Variants in GUCY2C observed in about 807,000 individuals in gnomAD.
GUCY2C encodes guanylyl cyclase C.
Under a neutral mutation model 131.1 loss-of-function variants are expected in GUCY2C, and 118 were observed. The ratio of observed to expected loss-of-function variants is 0.90; its 90% CI spans 0.78 to 1.05. GUCY2C has a LOEUF of 1.05. Among genes scored for constraint, GUCY2C ranks in the 50% least tolerant of loss-of-function variants. The pLI, the probability that GUCY2C is intolerant of heterozygous loss-of-function variation, is 0.00. For missense variants in GUCY2C, 1,161 were observed against 1,304.4 expected (o/e 0.89, Z 1.69); for synonymous variants, 452 against 457.8 (o/e 0.99, Z 0.16).
intron 17 of GUCY2C, among the ~76,000 whole-genome samples, chr12:14,642,851 G>A (rs1407749974): frequency 6.6e-6 from 1 of 152,104 alleles, no homozygotes; most frequent in Non-Finnish European, 1.5e-5. Flanking sequence ...GGACAGAATC[G>A]CAATTTTCCT....
chr12:14,614,121 T>A (rs1946707432), intron 26 of GUCY2C, among the ~76,000 whole-genome samples: 1 of 152,116 alleles, frequency 6.6e-6, no homozygotes. Flanking sequence ...GCTCCACTCT[T>A]GTCAGAACAA....
chr12:14,662,439 G>A lies in GUCY2C; in HGVS notation c.1283-1377C>T, dbSNP rs146768291. Among the ~76,000 whole-genome samples the A allele has an allele frequency of 1.6e-4, 24 of 152,030 alleles. No individual in the cohort carries two copies. In the East Asian group the frequency reaches 3.3e-3, roughly 21 times the overall value. On this transcript the variant is annotated intron_variant, in intron 10 of 26. Transcript: ENST00000261170. ...ACCTGTAATCCCAGCACTTTGGGGG[G>A]GCTGAGGGGCCGATCACCTGAGGTC...
In GUCY2C at chr12:14,622,044, C is replaced by T; in HGVS notation, c.2562G>A (p.Lys854=). ...EVVDMLNDIY[K]SFDHIVDHHD... Reference sequence around the variant, plus strand: ...GATGATCAACAATGTGGTCAAAACTCTTATAGATGTCATTAAGCATGTCCA... The same window carrying T: ...GATGATCAACAATGTGGTCAAAACTTTTATAGATGTCATTAAGCATGTCCA... The change falls in exon 22 of 27, where the codon AAG becomes AAA. Residue 854 remains lysine (K), a synonymous_variant. Transcript: ENST00000261170. 7 of 1,609,652 alleles carry T rather than the reference C, an allele frequency of 4.3e-6. No individual in the cohort carries two copies. The highest frequency in any genetic ancestry group is 5.1e-6 in the Non-Finnish European group (6 of 1,178,552).
rs1286699366 is a variant in GUCY2C, at chr12:14,660,988, T to C, written c.1357A>G (p.Met453Val). The C allele has an allele frequency of 6.2e-7, 1 of 1,609,254 alleles. No homozygotes were observed. The highest frequency in any genetic ancestry group is 8.5e-7 in the Non-Finnish European group (1 of 1,175,800). ...VVLLLLVALL[M>V]LRKYRKDYEL... The stretch of plus-strand genomic sequence containing the variant: ...TGATAGAGGCGGCTGTACCTGAGCA[T>C]CAGGAGAGCGACGAGCAGGAGCAGC... The change falls in exon 11 of 27, where the codon ATG becomes GTG. Residue 453 changes from methionine (M) to valine (V), a missense_variant. Transcript: ENST00000261170.
chr12:14,633,879 A>G (rs958019708), intron 19 of GUCY2C, among the ~76,000 whole-genome samples: 26 of 152,246 alleles, frequency 1.7e-4, no homozygotes, highest in African/African-American at 6.3e-4. Context: ...AAAAAAGAAC[A>G]AAAATGAATG....
chr12:14,615,040 A>T (rs999511687), intron 25 of GUCY2C, 97 bp from the exon 26 acceptor site: 4 of 597,774 alleles, frequency 6.7e-6, no homozygotes, highest in Non-Finnish European at 1.2e-5. Context: ...GACATGTTTC[A>T]CTTCCGCATT....
intron 19 of GUCY2C, among the ~76,000 whole-genome samples, chr12:14,637,620 C>T (rs1947300017): frequency 6.6e-6 from 1 of 152,040 alleles, no homozygotes. Context: ...ATAGAGAACC[C>T]AGAAATAAAT....
chr12:14,625,942 C>G, intron 20 of GUCY2C, 27 bp from the exon 21 acceptor site: 2 of 1,362,550 alleles, frequency 1.5e-6, no homozygotes, highest in East Asian at 4.6e-5. Context: ...ATAAAGAGCT[C>G]TTATATATTA....
chr12:14,638,892 C>T (rs1947334797), intron 19 of GUCY2C, among the ~76,000 whole-genome samples: 1 of 152,194 alleles, frequency 6.6e-6, no homozygotes, highest in African/African-American at 2.4e-5. Context: ...ATGATAACTA[C>T]TTAAGGTGAT....
chr12:14,695,600 CAA>C (rs557450619), intron 1 of GUCY2C, among the ~76,000 whole-genome samples: 13 of 58,616 alleles, frequency 2.2e-4, no homozygotes, highest in Admixed American at 3.7e-4. Context: ...GACTCCATCT[CAA>C]AAAAAAAAAA....
intron 19 of GUCY2C, among the ~76,000 whole-genome samples, chr12:14,636,258 A>G (rs1398473936): frequency 6.6e-6 from 1 of 152,230 alleles, no homozygotes; most frequent in Non-Finnish European, 1.5e-5. Flanking sequence ...ATAATACGCC[A>G]TGATCAAGTG....
chr12:14,628,866 A>G (rs961440338), intron 19 of GUCY2C, 129 bp from the exon 20 acceptor site: 3 of 634,288 alleles, frequency 4.7e-6, no homozygotes, highest in Admixed American at 5.3e-5. Context: ...CTCAGTGCGG[A>G]CAAGAGATCC....
Position 14,661,030 on chromosome 12 carries a change from G to A in GUCY2C, c.1315C>T (p.Leu439Phe). 1 of 1,613,232 alleles carries A rather than the reference G, an allele frequency of 6.2e-7. No homozygotes were observed. Among genetic ancestry groups the A allele is most frequent in the South Asian group, 1.1e-5 (1 of 91,064 alleles). Residue 439 changes from leucine (L) to phenylalanine (F), a missense_variant, in exon 11 of 27, where the codon CTC becomes TTC. By Grantham distance (22) the Leu-to-Phe change is conservative. Coordinates refer to ENST00000261170, the MANE Select transcript of GUCY2C (RefSeq NM_004963.4). ...PQILMIAVFTLTGAVVLLLLV... is the reference protein window; with the variant it reads ...PQILMIAVFTFTGAVVLLLLV... ...AGGAGCAGCACCACAGCTCCAGTGA[G>A]GGTGAAGACTGCAATCATCAGGATC...
At chr12:14,684,414 C>T (rs1592145358) in intron 3 of GUCY2C, among the ~76,000 whole-genome samples, 2 of 152,066 alleles carry the variant, frequency 1.3e-5, no homozygotes, top group Non-Finnish European at 2.9e-5. Flanking sequence ...TGCAAACAAT[C>T]GCATCTCCTT....
chr12:14,641,123 C>G lies in GUCY2C; in HGVS notation c.2027G>C (p.Arg676Pro), dbSNP rs376847075. ...YGIIAQEIIL[R>P]KETFYTLSCR... ...GCTCAAAGTGTAGAAGGTTTCTTTC[C>G]GCAGGATGATCTCCTGTGCGATGAT... The change falls in exon 18 of 27, where the codon CGG becomes CCG. Residue 676 changes from arginine to proline, a missense_variant. By Grantham distance (103) the Arg-to-Pro change is moderately radical (BLOSUM62 -2). Coordinates refer to ENST00000261170, the MANE Select transcript of GUCY2C (RefSeq NM_004963.4). The G allele has an allele frequency of 6.2e-7, 1 of 1,613,740 alleles. No individual in the cohort carries two copies. Among genetic ancestry groups the G allele is most frequent in the East Asian group, 2.2e-5 (1 of 44,866 alleles).
intron 11 of GUCY2C, 89 bp downstream of exon 11, chr12:14,660,892 T>C (rs990914591): frequency 3.7e-6 from 3 of 818,474 alleles, no homozygotes; most frequent in Non-Finnish European, 6.4e-6. Context: ...TTGTGAATAT[T>C]CATCATCATC....
At chr12:14,631,216 T>C (rs1453660153) in intron 19 of GUCY2C, among the ~76,000 whole-genome samples, 4 of 152,186 alleles carry the variant, frequency 2.6e-5, no homozygotes, top group African/African-American at 9.6e-5. Context: ...AGATTATAAA[T>C]GTCTTTTTTA....
At chr12:14,635,745 T>G (rs2137008814) in intron 19 of GUCY2C, among the ~76,000 whole-genome samples, 1 of 151,708 alleles carries the variant, frequency 6.6e-6, no homozygotes, top group Non-Finnish European at 1.5e-5. Context: ...AAGATCCAAA[T>G]AAACAAAATC....
At chr12:14,683,383 C>G (rs1269461585) in intron 3 of GUCY2C, 126 bp from the exon 4 acceptor site, 2 of 643,280 alleles carry the variant, frequency 3.1e-6, no homozygotes, top group Non-Finnish European at 5.5e-6. Flanking sequence ...ATCATTAAAG[C>G]AGGTTTCTCA....
Sources: allele counts gnomAD v4.1 joint callset (sites outside exome capture counted in the v4.1 genomes callset), GRCh38; gene constraint gnomAD v4.1.1; transcripts MANE v1.5; gene names NCBI Gene and HGNC (gene_info 2026-07-23, HGNC 2026-07-21).